Variants in CATSPERT observed in about 807,000 individuals in gnomAD.
CATSPERT encodes the protein cation channel sperm-associated targeting subunit tau.
At chr2:201,594,130 C>T in the CATSPERT span, among the ~76,000 whole-genome samples, 1 of 152,212 alleles carries the variant, frequency 6.6e-6, no homozygotes, top group African/African-American at 2.4e-5. Flanking sequence ...TTGTTCCTTT[C>T]CATGTTTAGC....
chr2:201,577,688 A>G, the CATSPERT span, among the ~76,000 whole-genome samples: 1 of 152,200 alleles, frequency 6.6e-6, no homozygotes, highest in Non-Finnish European at 1.5e-5. Context: ...AAAAAAGTCA[A>G]TCTCATAGAA....
the CATSPERT span, among the ~76,000 whole-genome samples, chr2:201,611,810 C>A: frequency 6.6e-6 from 1 of 152,074 alleles, no homozygotes; most frequent in Non-Finnish European, 1.5e-5. Context: ...TATCTTCCAA[C>A]AACTTTGAAA....
the CATSPERT span, chr2:201,545,629 CAAAAAAAAAAAAAAAAA>C: frequency 2.6e-5 from 4 of 152,464 alleles, no homozygotes; most frequent in East Asian, 1.1e-4. Context: ...TTCCTAGAAG[CAAAAAAAAAAAAAAAAA>C]AAAAAAAGAA....
At chr2:201,616,353 T>A in the CATSPERT span, among the ~76,000 whole-genome samples, 1 of 152,138 alleles carries the variant, frequency 6.6e-6, no homozygotes, top group Non-Finnish European at 1.5e-5. Flanking sequence ...AAAAAGCTTA[T>A]CCACCATGAT....
chr2:201,495,826 G>A, the CATSPERT span: 73 of 1,024,318 alleles, frequency 7.1e-5, no homozygotes, highest in Non-Finnish European at 9.4e-5. Context: ...TAGAACTATT[G>A]AATTAAAGTA....
At chr2:201,562,331 G>T in the CATSPERT span, among the ~76,000 whole-genome samples, 1 of 151,328 alleles carries the variant, frequency 6.6e-6, no homozygotes, top group Non-Finnish European at 1.5e-5. Context: ...GGGACTACAG[G>T]CGCCCACCAC....
the CATSPERT span, among the ~76,000 whole-genome samples, chr2:201,567,678 T>G: frequency 2.6e-5 from 4 of 152,186 alleles, no homozygotes; most frequent in African/African-American, 9.7e-5. Context: ...TACCCCAGGG[T>G]GAGTCAATCT....
chr2:201,492,501 A>G, the CATSPERT span: 1 of 1,535,862 alleles, frequency 6.5e-7, no homozygotes, highest in Non-Finnish European at 8.7e-7. Context: ...CCTTTGAAAT[A>G]TCTTGTTCTA....
chr2:201,603,233 T>C, the CATSPERT span: 1 of 1,611,684 alleles, frequency 6.2e-7, no homozygotes, highest in Admixed American at 1.7e-5. Context: ...CTCTTAGGCA[T>C]AAAATGTCTG....
the CATSPERT span, chr2:201,601,939 C>T: frequency 3.8e-6 from 5 of 1,326,758 alleles, no homozygotes; most frequent in East Asian, 1.0e-4. Context: ...AACAATAATA[C>T]ATTATAAAAT....
chr2:201,515,206 T>G, the CATSPERT span, among the ~76,000 whole-genome samples: 5 of 7,010 alleles, frequency 7.1e-4, no homozygotes, highest in Admixed American at 2.5e-3. Context: ...CCCATAGTTT[T>G]TTTTTTTTTT....
chr2:201,546,980 G>A, the CATSPERT span, among the ~76,000 whole-genome samples: 1 of 152,016 alleles, frequency 6.6e-6, no homozygotes. Context: ...GCTACAACAG[G>A]GGTGAAACTT....
At chr2:201,502,116 C>T in the CATSPERT span, among the ~76,000 whole-genome samples, 1 of 152,212 alleles carries the variant, frequency 6.6e-6, no homozygotes, top group Non-Finnish European at 1.5e-5. Context: ...GCTTCTGCTG[C>T]TCAAGACCAA....
the CATSPERT span, chr2:201,619,046 G>A: frequency 6.2e-7 from 1 of 1,614,166 alleles, no homozygotes. Flanking sequence ...CTCTGCAATA[G>A]CGGGGTGGCG....
the CATSPERT span, among the ~76,000 whole-genome samples, chr2:201,521,431 CAGAG>C: frequency 2.7e-5 from 2 of 73,190 alleles, no homozygotes; most frequent in Non-Finnish European, 7.0e-5. Flanking sequence ...GAGAGACAGA[CAGAG>C]AGAGAGAGAG....
At chr2:201,616,531 T>C in the CATSPERT span, among the ~76,000 whole-genome samples, 3 of 152,206 alleles carry the variant, frequency 2.0e-5, no homozygotes, top group African/African-American at 7.2e-5. Context: ...AAACTCTCAA[T>C]AAACTACGTA....
the CATSPERT span, among the ~76,000 whole-genome samples, chr2:201,528,816 C>G: frequency 6.6e-6 from 1 of 152,048 alleles, no homozygotes; most frequent in Non-Finnish European, 1.5e-5. Context: ...ACAATATTTG[C>G]TACCTGGGTG....
the CATSPERT span, among the ~76,000 whole-genome samples, chr2:201,523,109 T>A: frequency 6.6e-6 from 1 of 152,172 alleles, no homozygotes; most frequent in Non-Finnish European, 1.5e-5. Context: ...CACGTGTGTG[T>A]GGACCTCACT....
the CATSPERT span, among the ~76,000 whole-genome samples, chr2:201,558,713 G>A: frequency 0.49 from 73,918 of 152,012 alleles, 18,379 homozygotes; most frequent in East Asian, 0.75. Flanking sequence ...GATTAGGAAC[G>A]CAAGGTATGC....
Sources: allele counts gnomAD v4.1 joint callset (sites outside exome capture counted in the v4.1 genomes callset), GRCh38; gene constraint gnomAD v4.1.1; transcripts MANE v1.5; gene names NCBI Gene and HGNC (gene_info 2026-07-23, HGNC 2026-07-21).